The following SCML2 variants were observed in gnomAD, a reference collection of about 807,000 sequenced individuals.
SCML2 encodes Scm polycomb group protein like 2.
In SCML2, 6 loss-of-function variants were observed where a neutral mutation model predicts 48.4. That is an observed-to-expected ratio of 0.12 (90% CI 0.07 to 0.24). SCML2 has a LOEUF of 0.24. Ranked by LOEUF, SCML2 falls within the 10% of genes least tolerant of loss-of-function variation. SCML2 has a pLI of 1.00. For synonymous variants in SCML2, 181 were observed against 189.5 expected, an observed-to-expected ratio of 0.95 and a Z score of 0.37; for missense variants, 377 against 528.2, an observed-to-expected ratio of 0.71 and a Z score of 2.81.
At chrX:18,259,972 T>C (rs1420005168) in intron 9 of SCML2, among the ~76,000 whole-genome samples, 199 bp downstream of exon 9, 1 of 112,167 alleles carries the variant, frequency 8.9e-6, no homozygotes, top group African/African-American at 3.2e-5. Flanking sequence ...AAGTGACTCA[T>C]GTATTTAAAG....
chrX:18,280,640 A>G lies in SCML2; in HGVS notation c.731-14838T>C, dbSNP rs760512370. On this transcript the variant is annotated intron_variant, in intron 7 of 14. Transcript: ENST00000251900. ...ACCCATCTTACATGTAACAACACTCATAGGCTCAAAGTAAAAGAATGGAGA... is the reference window on the plus strand; with the variant it reads ...ACCCATCTTACATGTAACAACACTCGTAGGCTCAAAGTAAAAGAATGGAGA... 4.5e-5 allele frequency among the ~76,000 whole-genome samples: 5 copies of G among 111,991 alleles called. No individual in the cohort carries two copies. In the East Asian group the frequency reaches 1.4e-3, roughly 31 times the overall value.
At chrX:18,298,488 G>A (rs1478179125) in intron 7 of SCML2, among the ~76,000 whole-genome samples, 2 of 112,106 alleles carry the variant, frequency 1.8e-5, no homozygotes, top group East Asian at 2.8e-4. Context: ...TGACAAAGGC[G>A]CCAAGAACGT....
At chrX:18,318,338 A>G (rs988314007) in intron 6 of SCML2, among the ~76,000 whole-genome samples, 2 of 112,794 alleles carry the variant, frequency 1.8e-5, no homozygotes, top group East Asian at 5.6e-4. Context: ...AATCTTCTTC[A>G]AAAGCTTTTT....
At chrX:18,306,283 A>T (rs1928752459) in intron 6 of SCML2, among the ~76,000 whole-genome samples, 1 of 111,005 alleles carries the variant, frequency 9.0e-6, no homozygotes, top group Admixed American at 9.6e-5. Flanking sequence ...CCCATAATTC[A>T]ATTAAAAACC....
intron 1 of SCML2, among the ~76,000 whole-genome samples, chrX:18,352,407 A>C (rs1930404027): frequency 8.9e-6 from 1 of 111,966 alleles, no homozygotes; most frequent in South Asian, 3.7e-4. Flanking sequence ...ATATAATCCT[A>C]ACCAAAAAAT....
At chrX:18,288,139 T>C (rs763988960) in intron 7 of SCML2, among the ~76,000 whole-genome samples, 36 of 111,494 alleles carry the variant, frequency 3.2e-4, no homozygotes, top group Non-Finnish European at 6.6e-4. Flanking sequence ...CTTAGTATCT[T>C]GTTTCTTCCT....
At chrX:18,304,946 G>T (rs749415226) in intron 7 of SCML2, 26 bp downstream of exon 7, 1 of 1,189,785 alleles carries the variant, frequency 8.4e-7, no homozygotes, top group African/African-American at 1.8e-5. Context: ...TAAAGTAGAA[G>T]AAAAAGTAGT....
chrX:18,319,374 C>CA (rs375837840), intron 6 of SCML2, among the ~76,000 whole-genome samples: 4,359 of 104,830 alleles, frequency 0.042, 253 homozygotes, highest in African/African-American at 0.14. Context: ...AACTCAGTCT[C>CA]AAAAAAAAAG....
intron 1 of SCML2, among the ~76,000 whole-genome samples, chrX:18,336,982 C>T (rs1433854008): frequency 2.7e-5 from 3 of 110,567 alleles, no homozygotes; most frequent in Non-Finnish European, 5.7e-5. Flanking sequence ...AAACAGAAAA[C>T]AGCAATAAAT....
intron 6 of SCML2, among the ~76,000 whole-genome samples, chrX:18,318,831 T>G (rs1195744554): frequency 8.9e-6 from 1 of 112,107 alleles, no homozygotes; most frequent in Non-Finnish European, 1.9e-5. Context: ...AATTGAGACT[T>G]TTTTATGACT....
intron 6 of SCML2, 131 bp downstream of exon 6, chrX:18,320,201 C>A (rs1349470682): frequency 2.6e-6 from 1 of 391,588 alleles, no homozygotes; most frequent in Non-Finnish European, 4.4e-6. Flanking sequence ...GCAACCCTAG[C>A]AAACTAATAC....
intron 7 of SCML2, among the ~76,000 whole-genome samples, chrX:18,268,173 T>C (rs1416552343): frequency 8.9e-6 from 1 of 112,560 alleles, no homozygotes. Flanking sequence ...ATTCAGGGAA[T>C]GACCCAATCT....
intron 5 of SCML2, among the ~76,000 whole-genome samples, chrX:18,323,221 A>G (rs1048283575): frequency 1.3e-4 from 15 of 112,228 alleles, no homozygotes; most frequent in Non-Finnish European, 2.4e-4. Context: ...CTTACATTTT[A>G]AAAAGAAAAA....
intron 7 of SCML2, among the ~76,000 whole-genome samples, chrX:18,298,481 C>G (rs1190706304): frequency 2.7e-5 from 3 of 112,261 alleles, no homozygotes; most frequent in Non-Finnish European, 3.8e-5. Flanking sequence ...TGATTTTTGA[C>G]AAAGGCGCCA....
chrX:18,344,040 A>T (rs1033613824), intron 1 of SCML2, among the ~76,000 whole-genome samples: 6 of 109,901 alleles, frequency 5.5e-5, no homozygotes, highest in African/African-American at 1.6e-4. Context: ...AAAAATAAAA[A>T]TTTTTTTAAA....
intron 3 of SCML2, among the ~76,000 whole-genome samples, chrX:18,325,301 G>A (rs1019078990): frequency 8.9e-6 from 1 of 111,910 alleles, no homozygotes; most frequent in Non-Finnish European, 1.9e-5. Context: ...GAGTAATAGC[G>A]AAGTCTACCC....
At position 18,260,720 on chromosome X, in the gene SCML2, G is replaced by C. The variant is rs1410999501; in HGVS notation, c.949-429C>G. ...AGGCAGAGGACAGAGTTTATTTTCA[G>C]AAAGAAGTTGCTCATCTAGTTAGTC... On this transcript the variant is annotated intron_variant, in intron 8 of 14. Transcript: ENST00000251900. Among the ~76,000 whole-genome samples, 12 of 110,003 alleles carry C rather than the reference G, an allele frequency of 1.1e-4. 1 individual carries two copies. Among genetic ancestry groups the C allele is most frequent in the Admixed American group, 9.6e-5 (1 of 10,465 alleles).
At chrX:18,314,949 G>A (rs533314129) in intron 6 of SCML2, among the ~76,000 whole-genome samples, 130 of 108,842 alleles carry the variant, frequency 1.2e-3, no homozygotes, top group African/African-American at 3.7e-3. Context: ...AAAATTAGCC[G>A]GGCGTGGTGG....
chrX:18,343,760 CAAAAAA>C (rs1196514399), intron 1 of SCML2, among the ~76,000 whole-genome samples: 13 of 38,473 alleles, frequency 3.4e-4, no homozygotes, highest in Non-Finnish European at 5.7e-4. Context: ...GACTCTGTCT[CAAAAAA>C]AAAAAAAAAA....
Sources: allele counts gnomAD v4.1 joint callset (sites outside exome capture counted in the v4.1 genomes callset), GRCh38; gene constraint gnomAD v4.1.1; transcripts MANE v1.5; gene names NCBI Gene and HGNC (gene_info 2026-07-23, HGNC 2026-07-21).